Variants in ERBB4 observed in about 807,000 individuals in gnomAD.
ERBB4 encodes the protein erb-b2 receptor tyrosine kinase 4, also known as receptor tyrosine-protein kinase erbB-4.
ERBB4 carries 42 observed loss-of-function variants against 158.0 expected under a neutral mutation model. The observed-to-expected ratio is 0.27, with a 90% CI of 0.21 to 0.34. ERBB4 has a LOEUF of 0.34. ERBB4 is among the 10% of genes least tolerant of loss of function. The probability of loss-of-function intolerance (pLI) is 1.00; values close to 1 mark genes in which losing one functional copy is unlikely to be tolerated. For synonymous variants in ERBB4, 583 were observed against 558.7 expected, an observed-to-expected ratio of 1.04 and a Z score of -0.61; for missense variants, 1,333 against 1,624.1, an observed-to-expected ratio of 0.82 and a Z score of 3.08.
intron 2 of ERBB4, among the ~76,000 whole-genome samples, chr2:212,069,208 A>T (rs567151679): frequency 1.3e-5 from 2 of 152,200 alleles, no homozygotes; most frequent in South Asian, 4.1e-4. Flanking sequence ...CAAATCCAAC[A>T]ATCTATAAAT....
At position 212,124,771 on chromosome 2, in the gene ERBB4, C is replaced by T. The variant is rs762478821; in HGVS notation, c.215G>A (p.Arg72Gln). Residue 72 changes from arginine (R) to glutamine (Q), a missense_variant, in exon 2 of 28, where the codon CGG (arginine) becomes CAG (glutamine). By Grantham distance (43) the Arg-to-Gln change is conservative. This residue lies in a region of ERBB4 where 438 missense variants were observed against 586.9 expected (regional missense o/e 0.75). Coordinates refer to ENST00000342788, the MANE Select transcript of ERBB4 (RefSeq NM_005235.3). Reference sequence around the variant, plus strand: ...CTTTACCCGCAGGAAGGAGAGGTCCCGGTTGTGCTCAATGCTGGTTATCTC... The same window carrying T: ...CTTTACCCGCAGGAAGGAGAGGTCCTGGTTGTGCTCAATGCTGGTTATCTC... ...NLEITSIEHN[R>Q]DLSFLRSVRE... The T allele has an allele frequency of 2.5e-6, 4 of 1,614,150 alleles. No individual in the cohort carries two copies. The highest frequency in any genetic ancestry group is 3.4e-6 in the Non-Finnish European group (4 of 1,180,002).
At chr2:212,246,382 T>C (rs2084311766) in intron 1 of ERBB4, among the ~76,000 whole-genome samples, 2 of 152,116 alleles carry the variant, frequency 1.3e-5, no homozygotes, top group South Asian at 4.1e-4. Context: ...TACTATTCCT[T>C]CTCAAAAAAT....
chr2:211,571,971 T>C (rs1026338170), intron 19 of ERBB4, among the ~76,000 whole-genome samples: 1 of 152,184 alleles, frequency 6.6e-6, no homozygotes, highest in African/African-American at 2.4e-5. Flanking sequence ...CATTTCCTAA[T>C]TCAGTTTTAA....
At position 212,046,570 on chromosome 2, in the gene ERBB4, A is replaced by G. The variant is rs139152899; in HGVS notation, c.234+78182T>C. Among the ~76,000 whole-genome samples, 417 of 152,316 alleles carry G rather than the reference A, an allele frequency of 2.7e-3. 5 individuals are homozygous for G. Among genetic ancestry groups the G allele is most frequent in the African/African-American group, 9.6e-3 (398 of 41,570 alleles). On this transcript the variant is annotated intron_variant, in intron 2 of 27. Transcript: ENST00000342788. ...AGCAGTATTGATGTATTTATCATTTACCTTCGTATTCATCAATTAATAGGA... is the reference window on the plus strand; with the variant it reads ...AGCAGTATTGATGTATTTATCATTTGCCTTCGTATTCATCAATTAATAGGA...
intron 20 of ERBB4, among the ~76,000 whole-genome samples, chr2:211,508,241 A>G (rs2065798568): frequency 6.6e-6 from 1 of 152,156 alleles, no homozygotes; most frequent in African/African-American, 2.4e-5. Context: ...CCCATCAGAC[A>G]AAGGTCTAAT....
At chr2:211,387,291 T>C (rs1272708530) in intron 26 of ERBB4, 141 bp from the exon 27 acceptor site, 11 of 727,908 alleles carry the variant, frequency 1.5e-5, no homozygotes, top group Non-Finnish European at 2.4e-5. Context: ...CCCTAGTGGC[T>C]AATGGAGTTA....
intron 1 of ERBB4, among the ~76,000 whole-genome samples, chr2:212,465,941 T>A (rs1394277881): frequency 4.6e-5 from 7 of 152,140 alleles, no homozygotes; most frequent in South Asian, 4.1e-4. Context: ...AGTAACACAA[T>A]AGCTAATAAG....
At chr2:211,545,309 C>G (rs9677669) in intron 20 of ERBB4, among the ~76,000 whole-genome samples, 4,803 of 151,924 alleles carry the variant, frequency 0.032, 240 homozygotes, top group African/African-American at 0.11. Flanking sequence ...TAAGTGTCAC[C>G]CAGATTATGA....
chr2:212,452,604 A>G (rs1688050855), intron 1 of ERBB4, among the ~76,000 whole-genome samples: 1 of 152,146 alleles, frequency 6.6e-6, no homozygotes, highest in Middle Eastern at 3.2e-3. Context: ...ATTTTAATGC[A>G]CTCAGACCTA....
intron 1 of ERBB4, among the ~76,000 whole-genome samples, chr2:212,286,594 C>CTTTTTTTTTTTTTTTTTTTTTTTTTTTTT (rs71054190): frequency 1.8e-5 from 1 of 55,540 alleles, no homozygotes; most frequent in Admixed American, 2.4e-4. Context: ...TAAGTGCTGA[C>CTTTTTTTTTTTTTTTTTTTTTTTTTTTTT]TTTTTTTTTT....
intron 16 of ERBB4, among the ~76,000 whole-genome samples, chr2:211,633,980 G>A (rs913630574): frequency 2.6e-4 from 40 of 152,156 alleles, no homozygotes; most frequent in African/African-American, 8.9e-4. Flanking sequence ...CCAACATGGC[G>A]AAACCCCATC....
At chr2:212,534,286 T>C (rs1480735897) in intron 1 of ERBB4, among the ~76,000 whole-genome samples, 3 of 152,206 alleles carry the variant, frequency 2.0e-5, no homozygotes, top group Admixed American at 2.0e-4. Context: ...CTAATCAAGC[T>C]TCCAAGAGTA....
chr2:212,392,726 TC>T (rs2090914436), intron 1 of ERBB4, among the ~76,000 whole-genome samples: 1 of 152,104 alleles, frequency 6.6e-6, no homozygotes, highest in African/African-American at 2.4e-5. Flanking sequence ...TCTGTGCACA[TC>T]TTTTTTGTGC....
chr2:212,217,240 A>T (rs1025694479), intron 1 of ERBB4, among the ~76,000 whole-genome samples: 1 of 151,348 alleles, frequency 6.6e-6, no homozygotes, highest in African/African-American at 2.4e-5. Flanking sequence ...TTTATCTAGC[A>T]ATAAAAGGGT....
intron 16 of ERBB4, among the ~76,000 whole-genome samples, chr2:211,649,476 T>C (rs1025253341): frequency 6.6e-6 from 1 of 151,838 alleles, no homozygotes; most frequent in African/African-American, 2.4e-5. Flanking sequence ...TCTTTCCTGG[T>C]GTGTAGAACA....
intron 13 of ERBB4, among the ~76,000 whole-genome samples, chr2:211,675,022 T>C (rs542412280): frequency 3.9e-5 from 6 of 152,284 alleles, no homozygotes; most frequent in Non-Finnish European, 7.4e-5. Context: ...GGCTTCTGAT[T>C]TTTCCTGCTC....
intron 2 of ERBB4, among the ~76,000 whole-genome samples, chr2:211,981,837 G>A (rs1190777078): frequency 1.3e-5 from 2 of 152,288 alleles, no homozygotes; most frequent in Non-Finnish European, 2.9e-5. Context: ...CTCAGATTTT[G>A]ATGCCTGAAT....
At chr2:211,816,418 G>C (rs1215000194) in intron 3 of ERBB4, among the ~76,000 whole-genome samples, 3 of 151,474 alleles carry the variant, frequency 2.0e-5, no homozygotes, top group Non-Finnish European at 4.4e-5. Context: ...TCACACGCCT[G>C]TAGTCCCAGT....
At chr2:211,400,386 T>C (rs187386738) in intron 25 of ERBB4, among the ~76,000 whole-genome samples, 1 of 152,252 alleles carries the variant, frequency 6.6e-6, no homozygotes, top group Admixed American at 6.5e-5. Context: ...AACTAAATGC[T>C]GCCTTCCAAA....
Sources: gnomAD v4.1 joint callset for allele counts (sites outside exome capture counted in the v4.1 genomes callset) on GRCh38, gnomAD v4.1.1 for gene constraint, gnomAD v4.1.1 regional missense constraint, MANE v1.5 for transcripts, NCBI Gene and HGNC (gene_info 2026-07-23, HGNC 2026-07-21) for gene names.